Variants in ME1 observed in about 807,000 individuals in gnomAD.
ME1 encodes NADP-dependent malic enzyme.
Under a neutral mutation model 66.4 loss-of-function variants are expected in ME1, and 74 were observed. The observed-to-expected ratio is 1.11, with a 90% CI of 0.92 to 1.35. The LOEUF is 1.35. Ranked by LOEUF, ME1 falls within the 40% of genes most tolerant of loss-of-function variation. ME1 has a pLI of 0.00. For synonymous variants in ME1, 251 were observed against 235.6 expected (o/e 1.07, Z -0.60); for missense variants, 750 against 694.1 (o/e 1.08, Z -0.90).
chr6:83,348,928 G>C (rs551972366), intron 4 of ME1, among the ~76,000 whole-genome samples: 6 of 139,064 alleles, frequency 4.3e-5, no homozygotes, highest in Non-Finnish European at 9.0e-5. Flanking sequence ...AGGTTGCAGT[G>C]AGCAGAGATC....
At chr6:83,403,924 T>A (rs759587363) in intron 2 of ME1, among the ~76,000 whole-genome samples, 30 of 152,216 alleles carry the variant, frequency 2.0e-4, no homozygotes, top group Non-Finnish European at 3.7e-4. Context: ...TTTGGGTTGG[T>A]TCCATGTCTT....
At chr6:83,379,635 A>G (rs917199703) in intron 3 of ME1, among the ~76,000 whole-genome samples, 2 of 152,008 alleles carry the variant, frequency 1.3e-5, no homozygotes, top group African/African-American at 4.8e-5. Flanking sequence ...TTTGAAATCC[A>G]GTTCTTAAAA....
chr6:83,378,807 T>G (rs574163842), intron 3 of ME1, among the ~76,000 whole-genome samples: 2 of 152,202 alleles, frequency 1.3e-5, no homozygotes, highest in East Asian at 3.9e-4. Flanking sequence ...CTTGTTCATC[T>G]GTTTTCCAAC....
intron 3 of ME1, among the ~76,000 whole-genome samples, chr6:83,366,833 A>T (rs1039958615): frequency 2.6e-5 from 4 of 151,914 alleles, no homozygotes; most frequent in Non-Finnish European, 5.9e-5. Context: ...CTTCTTCCAA[A>T]CTCCTGTTAA....
intron 1 of ME1, among the ~76,000 whole-genome samples, chr6:83,417,370 T>TTTTTTG (rs1770182110): frequency 6.7e-6 from 1 of 149,768 alleles, no homozygotes; most frequent in African/African-American, 2.5e-5. Context: ...TTTGTTGTTT[T>TTTTTTG]TTGTTGTTGT....
rs71545852 is a variant in ME1, at chr6:83,237,227, A to AAAAGAAAGAAAGAAAGAAAGAAAG, written c.1026+466_1026+489dup. Among the ~76,000 whole-genome samples the AAAAGAAAGAAAGAAAGAAAGAAAG allele has an allele frequency of 5.0e-3, 347 of 69,014 alleles. 9 individuals are homozygous for AAAAGAAAGAAAGAAAGAAAGAAAG. Among genetic ancestry groups the AAAAGAAAGAAAGAAAGAAAGAAAG allele is most frequent in the East Asian group, 0.011 (27 of 2,420 alleles). 45.3% of individuals were successfully genotyped at this position (69,014 alleles called of 152,430 possible). ...GAGAGAGAGAGAGAGACAGAGAGAG[A>AAAAGAAAGAAAGAAAGAAAGAAAG]AAAGAAAGAAAGAAAGAAAGAAAGA... On this transcript the variant is annotated intron_variant, in intron 9 of 13. Coordinates refer to ENST00000369705, the MANE Select transcript of ME1 (RefSeq NM_002395.6).
intron 3 of ME1, among the ~76,000 whole-genome samples, chr6:83,380,778 G>A (rs1020832669): frequency 3.3e-5 from 5 of 152,004 alleles, no homozygotes; most frequent in Non-Finnish European, 7.4e-5. Context: ...CTTAGGAAAA[G>A]AAATCTAGGC....
At chr6:83,296,888 G>A (rs955264536) in intron 6 of ME1, among the ~76,000 whole-genome samples, 22 of 152,030 alleles carry the variant, frequency 1.4e-4, no homozygotes, top group Non-Finnish European at 2.9e-4. Flanking sequence ...CAACTTCAAG[G>A]TTCTATTAAA....
At chr6:83,252,614 G>A (rs1011153076) in intron 7 of ME1, among the ~76,000 whole-genome samples, 4 of 152,076 alleles carry the variant, frequency 2.6e-5, no homozygotes, top group Non-Finnish European at 5.9e-5. Context: ...AGACATGGGT[G>A]TATAGACCTG....
At chr6:83,366,826 C>T (rs1769109504) in intron 3 of ME1, among the ~76,000 whole-genome samples, 1 of 152,314 alleles carries the variant, frequency 6.6e-6, no homozygotes, top group Admixed American at 6.5e-5. Flanking sequence ...AAATCAACTT[C>T]TTCCAAACTC....
chr6:83,305,423 C>T (rs1459488029), intron 6 of ME1, among the ~76,000 whole-genome samples: 1 of 152,080 alleles, frequency 6.6e-6, no homozygotes, highest in Non-Finnish European at 1.5e-5. Context: ...TTCAGTATTA[C>T]ATAGGGTAGT....
At chr6:83,301,320 C>A (rs1053994565) in intron 6 of ME1, among the ~76,000 whole-genome samples, 1 of 133,654 alleles carries the variant, frequency 7.5e-6, no homozygotes, top group African/African-American at 3.1e-5. Flanking sequence ...TTCTTTCTCT[C>A]TCTCTCTCTC....
chr6:83,309,633 C>G (rs1301659229), intron 6 of ME1, among the ~76,000 whole-genome samples: 2 of 151,982 alleles, frequency 1.3e-5, no homozygotes, highest in Non-Finnish European at 2.9e-5. Context: ...CCACGTGATT[C>G]TGAAGTTCAG....
In ME1 at chr6:83,279,446, T is replaced by C. The variant is rs1303560673; in HGVS notation, c.705-25708A>G. 3.9e-5 allele frequency among the ~76,000 whole-genome samples: 6 copies of C among 152,086 alleles called. No individual in the cohort carries two copies. The East Asian group carries it at 7.7e-4, about 20-fold the overall frequency. On this transcript the variant is annotated intron_variant, in intron 6 of 13. Transcript: ENST00000369705. ...GTGATCTAAGCAGAGCAATAGAAAC[T>C]CTAAGAATCGAAAGGTAATGATAGA... is the stretch of plus-strand genomic sequence containing the variant.
At chr6:83,248,847 CT>C in intron 7 of ME1, among the ~76,000 whole-genome samples, 1 of 152,288 alleles carries the variant, frequency 6.6e-6, no homozygotes, top group South Asian at 2.1e-4. Flanking sequence ...CAGGAAAGTT[CT>C]CTGTAGCAGT....
intron 5 of ME1, among the ~76,000 whole-genome samples, chr6:83,341,093 A>G (rs1319996833): frequency 6.6e-6 from 1 of 152,068 alleles, no homozygotes; most frequent in African/African-American, 2.4e-5. Context: ...GTCATACAGT[A>G]TCGGTCAACC....
At chr6:83,329,297 T>C (rs1305114128) in intron 5 of ME1, among the ~76,000 whole-genome samples, 1 of 152,194 alleles carries the variant, frequency 6.6e-6, no homozygotes, top group African/African-American at 2.4e-5. Context: ...TTTGTATCTA[T>C]GCATATATAA....
intron 6 of ME1, among the ~76,000 whole-genome samples, chr6:83,286,223 AAAATT>A (rs1263442886): frequency 1.3e-5 from 2 of 152,156 alleles, no homozygotes; most frequent in East Asian, 3.8e-4. Context: ...CTTACCCTGA[AAAATT>A]AAGATAAATA....
At chr6:83,386,682 G>C (rs1287456542) in intron 3 of ME1, among the ~76,000 whole-genome samples, 9 of 151,880 alleles carry the variant, frequency 5.9e-5, no homozygotes, top group Non-Finnish European at 1.0e-4. Context: ...GAAAGTTCCT[G>C]CAACAGACTG....
Sources: allele counts gnomAD v4.1 joint callset (sites outside exome capture counted in the v4.1 genomes callset), GRCh38; gene constraint gnomAD v4.1.1; transcripts MANE v1.5; gene names NCBI Gene and HGNC (gene_info 2026-07-23, HGNC 2026-07-21).